TUBA1C: variants seen among roughly 807,000 people sequenced by gnomAD.
TUBA1C encodes the protein tubulin alpha-1C chain.
TUBA1C carries 16 observed loss-of-function variants against 34.9 expected under a neutral mutation model. The observed-to-expected ratio is 0.46, with a 90% confidence interval of 0.31 to 0.70. The LOEUF (loss-of-function observed/expected upper bound fraction) is 0.70. Among genes scored for constraint, TUBA1C ranks in the 30% least tolerant of loss-of-function variants. The pLI, the probability that TUBA1C is intolerant of heterozygous loss-of-function variation, is 0.05. For missense variants in TUBA1C, 329 were observed against 587.3 expected (o/e 0.56, Z 4.55); for synonymous variants, 177 against 215.9 (o/e 0.82, Z 1.58).
rs753468888 is a variant in TUBA1C at position 49,269,854 on chromosome 12, C to G, written c.253C>G (p.Gln85Glu). The G allele has an allele frequency of 6.2e-7, 1 of 1,614,070 alleles. No homozygotes were observed. Among genetic ancestry groups the G allele is most frequent in the Admixed American group, 1.7e-5 (1 of 60,000 alleles). Residue 85 changes from glutamine (Q) to glutamate (E), a missense_variant, in exon 3 of 4, where the codon CAG (glutamine) becomes GAG (glutamate). Transcript: ENST00000301072. ...IDEVRTGTYRQLFHPEQLITG... is the reference protein window; with the variant it reads ...IDEVRTGTYRELFHPEQLITG... Reference sequence around the variant, plus strand: ...TGAAGTTCGCACTGGCACTTACCGCCAGCTCTTCCACCCTGAGCAACTCAT... The same window carrying G: ...TGAAGTTCGCACTGGCACTTACCGCGAGCTCTTCCACCCTGAGCAACTCAT...
intron 1 of TUBA1C, among the ~76,000 whole-genome samples, chr12:49,228,682 A>G (rs1942464040): frequency 6.6e-6 from 1 of 152,218 alleles, no homozygotes; most frequent in South Asian, 2.1e-4. Flanking sequence ...ATTTTACTCT[A>G]CTTTAGTGTG....
chr12:49,239,907 C>T (rs371887712), intron 1 of TUBA1C, among the ~76,000 whole-genome samples: 18 of 152,188 alleles, frequency 1.2e-4, no homozygotes, highest in East Asian at 9.6e-4. Context: ...AGGACCAGGA[C>T]GGGAGGTAGA....
intron 1 of TUBA1C, among the ~76,000 whole-genome samples, chr12:49,240,071 CA>C (rs1436635136): frequency 2.0e-4 from 31 of 151,326 alleles, no homozygotes; most frequent in African/African-American, 2.9e-4. Context: ...CACACACACA[CA>C]CACACCCTGC....
At chr12:49,247,688 C>T (rs1397700248) in intron 1 of TUBA1C, among the ~76,000 whole-genome samples, 2 of 152,164 alleles carry the variant, frequency 1.3e-5, no homozygotes, top group Non-Finnish European at 2.9e-5. Context: ...TGGCTTACGC[C>T]TGTAATCCCA....
At chr12:49,265,273 C>T in intron 1 of TUBA1C, 89 bp downstream of exon 1, 2 of 1,144,720 alleles carry the variant, frequency 1.7e-6, no homozygotes. Context: ...CGGGCCGCGC[C>T]CAGGACAGCT....
chr12:49,232,254 C>T (rs1942505605), intron 1 of TUBA1C, among the ~76,000 whole-genome samples: 1 of 152,164 alleles, frequency 6.6e-6, no homozygotes, highest in African/African-American at 2.4e-5. Context: ...GGATAAATTC[C>T]CCGGAAATAA....
intron 1 of TUBA1C, among the ~76,000 whole-genome samples, 185 bp downstream of exon 1, chr12:49,265,369 G>A (rs1183045386): frequency 1.3e-5 from 2 of 152,200 alleles, no homozygotes; most frequent in Non-Finnish European, 2.9e-5. Flanking sequence ...ACCAGTTCGG[G>A]CCGGAAAACC....
chr12:49,239,161 T>C (rs941464730), intron 1 of TUBA1C, among the ~76,000 whole-genome samples: 4 of 152,224 alleles, frequency 2.6e-5, no homozygotes, highest in Admixed American at 1.3e-4. Flanking sequence ...TAACAAAAGA[T>C]TGTCTGTCTT....
At chr12:49,265,068 C>A (rs1044842437), upstream of TUBA1C, 1 of 1,375,500 alleles carries the variant, frequency 7.3e-7, no homozygotes, top group Non-Finnish European at 9.6e-7. Flanking sequence ...CCCTTCGGGG[C>A]CGGCCACCCT....
chr12:49,240,054 A>G (rs1191645324), intron 1 of TUBA1C, among the ~76,000 whole-genome samples: 1 of 151,426 alleles, frequency 6.6e-6, no homozygotes, highest in African/African-American at 2.4e-5. Flanking sequence ...ACACACACAC[A>G]CACACACACA....
chr12:49,248,867 CAAAA>C (rs201685193), intron 1 of TUBA1C, among the ~76,000 whole-genome samples: 3 of 60,780 alleles, frequency 4.9e-5, no homozygotes, highest in African/African-American at 1.0e-4. Context: ...GACTCCCTCT[CAAAA>C]AAAAAAAAAA....
At chr12:49,244,910 T>C (rs1009692896) in intron 1 of TUBA1C, among the ~76,000 whole-genome samples, 13 of 152,120 alleles carry the variant, frequency 8.5e-5, no homozygotes, top group African/African-American at 3.1e-4. Flanking sequence ...ACCTTCCTTA[T>C]AATAACTTTA....
intron 1 of TUBA1C, among the ~76,000 whole-genome samples, chr12:49,250,737 C>G (rs1942724641): frequency 6.6e-6 from 1 of 150,980 alleles, no homozygotes; most frequent in East Asian, 1.9e-4. Flanking sequence ...ACAGTGAAAC[C>G]CCATCTCTAC....
chr12:49,251,305 C>G lies in TUBA1C; in HGVS notation c.214-18160C>G, dbSNP rs1942729829. On this transcript the variant is annotated intron_variant, in intron 1 of 3. Coordinates refer to the TUBA1C transcript ENST00000541364. ...TTAAATATTTAAAGAACCAATAATA[C>G]AAATATTGAACAAATTATTTCAGAA... Among the ~76,000 whole-genome samples the G allele has an allele frequency of 3.3e-5, 5 of 152,260 alleles. No homozygotes were observed. In the South Asian group the frequency reaches 1.0e-3, roughly 32 times the overall value.
At chr12:49,264,490 C>A (rs1176412697), upstream of TUBA1C, among the ~76,000 whole-genome samples, 2 of 152,066 alleles carry the variant, frequency 1.3e-5, no homozygotes, top group Admixed American at 6.6e-5. Flanking sequence ...CGCCCGCGGG[C>A]CCAGCCGGGG....
intron 1 of TUBA1C, among the ~76,000 whole-genome samples, chr12:49,267,573 C>G (rs935389093): frequency 6.6e-6 from 1 of 152,160 alleles, no homozygotes; most frequent in Admixed American, 6.6e-5. Flanking sequence ...GCAGGAAAAT[C>G]GCTTGAACCT....
intron 1 of TUBA1C, among the ~76,000 whole-genome samples, chr12:49,249,257 G>C (rs140199196): frequency 1.5e-3 from 229 of 151,730 alleles, no homozygotes; most frequent in Middle Eastern, 0.01. Flanking sequence ...GACAAACCCC[G>C]TCTCCACTAA....
chr12:49,255,845 C>T (rs368935373), intron 1 of TUBA1C, among the ~76,000 whole-genome samples: 83 of 152,334 alleles, frequency 5.4e-4, no homozygotes, highest in African/African-American at 1.6e-3. Flanking sequence ...GGATTACAGG[C>T]GTGAGCCACC....
upstream of TUBA1C, among the ~76,000 whole-genome samples, chr12:49,260,319 A>C (rs1439658501): frequency 2.0e-5 from 3 of 152,056 alleles, no homozygotes; most frequent in Non-Finnish European, 4.4e-5. Context: ...CAGTTGTTTC[A>C]GTTAGTCACC....
Sources: gnomAD v4.1 joint callset for allele counts (sites outside exome capture counted in the v4.1 genomes callset) on GRCh38, gnomAD v4.1.1 for gene constraint, MANE v1.5 for transcripts, NCBI Gene and HGNC (gene_info 2026-07-23, HGNC 2026-07-21) for gene names.